Variants in ANO4 observed in about 807,000 individuals in gnomAD.
ANO4 encodes the protein anoctamin 4.
In ANO4, 69 loss-of-function variants were observed where a neutral mutation model predicts 141.9. The observed-to-expected ratio is 0.49, with a 90% CI of 0.40 to 0.59. ANO4 has a LOEUF of 0.59. ANO4 is among the 20% of genes least tolerant of loss of function. The pLI, the probability that ANO4 is intolerant of heterozygous loss-of-function variation, is 0.00. For synonymous variants in ANO4, 350 were observed against 394.3 expected (o/e 0.89, Z 1.33); for missense variants, 894 against 1,162.2 (o/e 0.77, Z 3.36).
chr12:101,065,577 T>G (rs1221026528), intron 14 of ANO4, among the ~76,000 whole-genome samples: 2 of 152,144 alleles, frequency 1.3e-5, no homozygotes, highest in East Asian at 1.9e-4. Context: ...TTCCAAAATC[T>G]GAACAGACCA....
chr12:100,888,007 G>A (rs1474448752), intron 1 of ANO4, among the ~76,000 whole-genome samples: 1 of 152,186 alleles, frequency 6.6e-6, no homozygotes, highest in East Asian at 1.9e-4. Flanking sequence ...GAGTGAGAAT[G>A]TAAAGGTTTA....
intron 1 of ANO4, among the ~76,000 whole-genome samples, chr12:100,811,696 G>A (rs1276946647): frequency 6.6e-6 from 1 of 152,168 alleles, no homozygotes; most frequent in Non-Finnish European, 1.5e-5. Context: ...GTTTGATGCA[G>A]ATTATTATTC....
intron 1 of ANO4, among the ~76,000 whole-genome samples, chr12:100,870,565 A>C (rs913601095): frequency 4.6e-5 from 7 of 152,130 alleles, no homozygotes; most frequent in African/African-American, 1.4e-4. Flanking sequence ...CTTACTTTCA[A>C]ATACCATCAC....
intron 1 of ANO4, chr12:100,842,285 C>T (rs982886414): frequency 6.6e-6 from 1 of 151,800 alleles, no homozygotes; most frequent in Non-Finnish European, 1.5e-5. Flanking sequence ...ATTCTCCTTC[C>T]ATCTTTTATG....
rs111338962 is a variant in ANO4, at chr12:100,799,230, C to T, written c.-141+4203C>T. 1.1e-3 allele frequency among the ~76,000 whole-genome samples: 173 copies of T among 152,210 alleles called. 1 individual carries two copies. Among genetic ancestry groups the T allele is most frequent in the African/African-American group, 3.7e-3 (154 of 41,536 alleles). ...TCACTTCTATTTGCTACTAGATGAA[C>T]GATTATTTCTAAGACAATTGACCCA... On this transcript the variant is annotated intron_variant, in intron 1 of 27. Transcript: ENST00000392977.
At chr12:100,763,061 G>A (rs777433184) in intron 3 of ANO4, among the ~76,000 whole-genome samples, 6 of 152,234 alleles carry the variant, frequency 3.9e-5, no homozygotes, top group Non-Finnish European at 7.3e-5. Context: ...GTAAATGGGT[G>A]AGCAGGGATT....
intron 14 of ANO4, among the ~76,000 whole-genome samples, chr12:101,067,370 T>C (rs1400353685): frequency 1.3e-5 from 2 of 152,244 alleles, no homozygotes; most frequent in East Asian, 3.8e-4. Flanking sequence ...GAAACATTAG[T>C]ATTGGTAATA....
chr12:101,036,998 A>T (rs1478118783), intron 9 of ANO4, 97 bp from the exon 10 acceptor site: 21 of 1,242,494 alleles, frequency 1.7e-5, no homozygotes, highest in Non-Finnish European at 2.3e-5. Context: ...GATAGCCTAG[A>T]TTGTTTCCTC....
At chr12:100,802,054 A>G (rs897640199) in intron 1 of ANO4, among the ~76,000 whole-genome samples, 1 of 152,168 alleles carries the variant, frequency 6.6e-6, no homozygotes, top group Non-Finnish European at 1.5e-5. Context: ...AGTCATCACA[A>G]GGAAGTGAAG....
chr12:101,121,277 C>T (rs1394340079), intron 26 of ANO4, among the ~76,000 whole-genome samples: 1 of 151,978 alleles, frequency 6.6e-6, no homozygotes, highest in Admixed American at 6.6e-5. Context: ...TCTTTATGTC[C>T]ATGTGTACCC....
intron 5 of ANO4, among the ~76,000 whole-genome samples, chr12:100,956,226 T>G (rs1359284029): frequency 6.6e-6 from 1 of 152,194 alleles, no homozygotes; most frequent in Non-Finnish European, 1.5e-5. Flanking sequence ...GGCCAAGGAT[T>G]TTACTAAACA....
intron 3 of ANO4, among the ~76,000 whole-genome samples, chr12:100,759,313 A>G (rs887894766): frequency 9.9e-5 from 15 of 152,176 alleles, no homozygotes; most frequent in Admixed American, 2.0e-4. Flanking sequence ...ATGCCTGATG[A>G]AGTATATATA....
intron 1 of ANO4, among the ~76,000 whole-genome samples, chr12:100,845,528 G>A (rs950411060): frequency 3.9e-5 from 6 of 152,144 alleles, no homozygotes; most frequent in African/African-American, 1.4e-4. Context: ...TTAGTAACAT[G>A]AGCCAATAAA....
At chr12:101,008,523 A>G (rs1017452928) in intron 8 of ANO4, among the ~76,000 whole-genome samples, 2 of 152,164 alleles carry the variant, frequency 1.3e-5, no homozygotes, top group Non-Finnish European at 2.9e-5. Flanking sequence ...TTACAATTTA[A>G]TTACATTATC....
At chr12:100,820,182 G>A (rs1368973648) in intron 1 of ANO4, among the ~76,000 whole-genome samples, 2 of 151,616 alleles carry the variant, frequency 1.3e-5, no homozygotes, top group Non-Finnish European at 2.9e-5. Flanking sequence ...TAGAGCAGAA[G>A]GGGGGGCCCT....
intron 8 of ANO4, among the ~76,000 whole-genome samples, chr12:100,995,915 G>A (rs2045348329): frequency 6.6e-6 from 1 of 152,200 alleles, no homozygotes; most frequent in Admixed American, 6.5e-5. Flanking sequence ...ACAGAGCCAG[G>A]GCTCTGGAGC....
intron 11 of ANO4, 30 bp downstream of exon 11, chr12:101,040,106 G>A: frequency 1.3e-6 from 2 of 1,582,488 alleles, no homozygotes; most frequent in Admixed American, 3.5e-5. Flanking sequence ...CAAATATAAA[G>A]CTTGCACAGA....
rs143797484 is a variant in ANO4 at position 100,925,950 on chromosome 12, G to A, written c.160+3620G>A. On this transcript the variant is annotated intron_variant, in intron 3 of 27. Coordinates refer to ENST00000392977, the MANE Select transcript of ANO4 (RefSeq NM_001286615.2). The stretch of plus-strand genomic sequence containing the variant: ...TTCAAACATTTCTTGAGTGTCTGGG[G>A]TAGGCTGGCCATGATGGTGTTTTCC... Among the ~76,000 whole-genome samples, 33 of 151,772 alleles carry A rather than the reference G, an allele frequency of 2.2e-4. No individual in the cohort carries two copies. The East Asian group carries it at 5.8e-3, about 27-fold the overall frequency.
chr12:100,776,359 G>A (rs976166625), intron 3 of ANO4, among the ~76,000 whole-genome samples: 2 of 152,140 alleles, frequency 1.3e-5, no homozygotes, highest in African/African-American at 4.8e-5. Flanking sequence ...TAGCTCTCCA[G>A]ACCGACCCCA....
Sources: gnomAD v4.1 joint callset for allele counts (sites outside exome capture counted in the v4.1 genomes callset) on GRCh38, gnomAD v4.1.1 for gene constraint, MANE v1.5 for transcripts, NCBI Gene and HGNC (gene_info 2026-07-23, HGNC 2026-07-21) for gene names.